The following CADPS2 variants were observed in gnomAD, a reference collection of about 807,000 sequenced individuals.
CADPS2 encodes the protein calcium-dependent secretion activator 2.
Under a neutral mutation model 172.5 loss-of-function variants are expected in CADPS2, and 93 were observed. The ratio of observed to expected loss-of-function variants is 0.54; its 90% CI spans 0.46 to 0.64. The LOEUF is 0.64. Ranked by LOEUF, CADPS2 falls within the 30% of genes least tolerant of loss-of-function variation. CADPS2 has a pLI of 0.00. For synonymous variants in CADPS2, 546 were observed against 555.2 expected (o/e 0.98, Z 0.23); for missense variants, 1,420 against 1,565.9 (o/e 0.91, Z 1.57).
chr7:122,485,446 C>T (rs889728252), intron 11 of CADPS2, among the ~76,000 whole-genome samples: 3 of 152,188 alleles, frequency 2.0e-5, no homozygotes, highest in Admixed American at 6.5e-5. Context: ...ATAGATCAAA[C>T]CAGCCACAAT....
At chr7:122,380,662 C>T (rs535787948) in intron 24 of CADPS2, among the ~76,000 whole-genome samples, 9 of 152,116 alleles carry the variant, frequency 5.9e-5, no homozygotes, top group Non-Finnish European at 8.8e-5. Flanking sequence ...GAATTATTTT[C>T]TTTTTCTGTG....
intron 8 of CADPS2, among the ~76,000 whole-genome samples, chr7:122,537,757 A>C (rs1387709730): frequency 6.6e-6 from 1 of 151,818 alleles, no homozygotes; most frequent in Admixed American, 6.6e-5. Context: ...GAGAGACGAA[A>C]TTAATACAAA....
chr7:122,559,055 T>C (rs1338642897), intron 7 of CADPS2, among the ~76,000 whole-genome samples: 1 of 152,146 alleles, frequency 6.6e-6, no homozygotes, highest in Non-Finnish European at 1.5e-5. Context: ...CCATATCTTA[T>C]GGCAAAACAG....
intron 2 of CADPS2, among the ~76,000 whole-genome samples, chr7:122,724,655 A>T (rs2090888696): frequency 2.0e-5 from 3 of 152,082 alleles, no homozygotes. Context: ...AAACTCAAGT[A>T]TGGGAAGGTT....
intron 17 of CADPS2, 103 bp downstream of exon 17, chr7:122,438,238 G>C (rs1356715781): frequency 8.7e-5 from 123 of 1,407,844 alleles, no homozygotes; most frequent in Non-Finnish European, 1.2e-4. Context: ...CCTTTGCCAT[G>C]GCACAGGATT....
intron 25 of CADPS2, chr7:122,369,698 T>A (rs1323653280): frequency 6.6e-6 from 1 of 152,272 alleles, no homozygotes; most frequent in Non-Finnish European, 1.5e-5. Context: ...TCTCCAAATC[T>A]GTTTCTCTTC....
chr7:122,791,167 T>A (rs2139680966), intron 1 of CADPS2, among the ~76,000 whole-genome samples: 1 of 152,284 alleles, frequency 6.6e-6, no homozygotes, highest in East Asian at 1.9e-4. Context: ...TTGTAATGCA[T>A]GAGATTCACA....
At chr7:122,330,733 A>T (rs1014592200) in intron 28 of CADPS2, 4 of 152,260 alleles carry the variant, frequency 2.6e-5, no homozygotes, top group African/African-American at 7.2e-5. Context: ...AGAGGCACTC[A>T]TGGTGGGGGA....
At chr7:122,507,523 T>C (rs10238269) in intron 9 of CADPS2, among the ~76,000 whole-genome samples, 8,071 of 152,198 alleles carry the variant, frequency 0.053, 277 homozygotes, top group Non-Finnish European at 0.055. Context: ...AGTCAAGACG[T>C]GGCTCAGTGA....
At chr7:122,472,424 T>G (rs1052975704) in intron 13 of CADPS2, among the ~76,000 whole-genome samples, 2 of 152,046 alleles carry the variant, frequency 1.3e-5, no homozygotes, top group Non-Finnish European at 2.9e-5. Context: ...ATGTTGAAGA[T>G]AAATAAGCTA....
chr7:122,702,272 C>A, intron 2 of CADPS2: 1 of 1,613,814 alleles, frequency 6.2e-7, no homozygotes, highest in Non-Finnish European at 8.5e-7. Context: ...AATTTCCATG[C>A]CTTTCAGGTT....
intron 2 of CADPS2, among the ~76,000 whole-genome samples, chr7:122,732,293 C>A (rs1257172926): frequency 6.6e-6 from 1 of 150,452 alleles, no homozygotes; most frequent in Admixed American, 6.7e-5. Context: ...TAAAGTAAAC[C>A]GAATATCTGA....
At chr7:122,673,140 T>C (rs112298446) in intron 2 of CADPS2, among the ~76,000 whole-genome samples, 6,567 of 152,230 alleles carry the variant, frequency 0.043, 473 homozygotes, top group African/African-American at 0.15. Context: ...TCGCTGTGAG[T>C]GTTACAGCTC....
intron 25 of CADPS2, among the ~76,000 whole-genome samples, chr7:122,369,141 C>A (rs76408887): frequency 1.4e-5 from 1 of 72,776 alleles, no homozygotes; most frequent in Non-Finnish European, 2.5e-5. Context: ...CCCCCCCCCC[C>A]CTTTTTTTTT....
chr7:122,391,002 A>C (rs1248214307), intron 22 of CADPS2, among the ~76,000 whole-genome samples: 1 of 152,060 alleles, frequency 6.6e-6, no homozygotes, highest in East Asian at 1.9e-4. Context: ...TGATTTATGC[A>C]TTGGTAGGCA....
At chr7:122,780,755 A>G (rs1195800628) in intron 1 of CADPS2, among the ~76,000 whole-genome samples, 1 of 152,128 alleles carries the variant, frequency 6.6e-6, no homozygotes, top group Non-Finnish European at 1.5e-5. Context: ...CAGTTCTTCC[A>G]CCTCAGCCTC....
intron 1 of CADPS2, among the ~76,000 whole-genome samples, chr7:122,763,011 A>G (rs1021719919): frequency 1.8e-4 from 27 of 152,052 alleles, no homozygotes; most frequent in African/African-American, 6.0e-4. Context: ...ACCAGTTTCA[A>G]TAGTAGATGG....
intron 28 of CADPS2, among the ~76,000 whole-genome samples, chr7:122,325,881 T>A (rs2033736876): frequency 6.6e-6 from 1 of 152,026 alleles, no homozygotes; most frequent in Non-Finnish European, 1.5e-5. Context: ...GCTTTGTAAT[T>A]TGTAAATAAC....
rs765149983 is a variant in CADPS2, at chr7:122,886,306, G to A, written c.32C>T (p.Ser11Leu). 1.2e-4 allele frequency: 181 copies of A among 1,503,478 alleles called. 1 individual carries two copies. In the Middle Eastern group the frequency reaches 1.5e-3, roughly 13 times the overall value. The allele number at this position is 1,503,478 out of a possible 1,614,324, so 93.1% of individuals were successfully genotyped here. A position where few individuals can be genotyped will look rare whatever the true frequency, so the allele number is the denominator to read the frequency against. The change falls in exon 1 of 30, where the codon TCG (serine) becomes TTG (leucine). Residue 11 changes from serine (S) to leucine (L), a missense_variant. Ser to Leu is a moderately radical substitution (Grantham distance 145). Coordinates refer to ENST00000449022, the MANE Select transcript of CADPS2 (RefSeq NM_017954.11). Reference sequence around the variant, plus strand: ...GCTTTCCTCTTCCAGCCCCTCGTCCGACTCCTCTTCGCTGGAAGACGGGTC... The same window carrying A: ...GCTTTCCTCTTCCAGCCCCTCGTCCAACTCCTCTTCGCTGGAAGACGGGTC... MLDPSSSEEESDEGLEEESRD... is the reference protein window; with the variant it reads MLDPSSSEEELDEGLEEESRD...
Sources: allele counts gnomAD v4.1 joint callset (sites outside exome capture counted in the v4.1 genomes callset), GRCh38; gene constraint gnomAD v4.1.1; transcripts MANE v1.5; gene names NCBI Gene and HGNC (gene_info 2026-07-23, HGNC 2026-07-21).